RSU1: variants seen among roughly 807,000 people sequenced by gnomAD.
RSU1 encodes Ras suppressor protein 1, also known as rsu-1.
In RSU1, 26 loss-of-function variants were observed where a neutral mutation model predicts 31.1. The observed-to-expected ratio is 0.84, with a 90% confidence interval of 0.61 to 1.16. The LOEUF (loss-of-function observed/expected upper bound fraction) is 1.16. Among genes scored for constraint, RSU1 ranks in the 50% most tolerant of loss-of-function variants. RSU1 has a pLI of 0.00. For synonymous variants in RSU1, 164 were observed against 136.3 expected (o/e 1.20, Z -1.41); for missense variants, 320 against 339.1 (o/e 0.94, Z 0.44).
chr10:16,731,778 G>A (rs910796514), intron 7 of RSU1, among the ~76,000 whole-genome samples: 1 of 151,522 alleles, frequency 6.6e-6, no homozygotes, highest in South Asian at 2.1e-4. Context: ...CTTGGTCATT[G>A]ATCTTCTCTT....
intron 7 of RSU1, among the ~76,000 whole-genome samples, chr10:16,738,613 T>A (rs1050679200): frequency 3.3e-5 from 5 of 151,580 alleles, no homozygotes; most frequent in African/African-American, 9.7e-5. Context: ...TTTGGACCAA[T>A]CAATCAAAGG....
chr10:16,671,093 CTGAAA>C lies in RSU1; in HGVS notation c.731+23925_731+23929del, dbSNP rs1341780080. Among the ~76,000 whole-genome samples the C allele has an allele frequency of 1.1e-4, 16 of 152,130 alleles. No homozygotes were observed. The East Asian group carries it at 1.9e-3, about 18-fold the overall frequency. ...AACCCTGTTAAAGCTCCTGAAATGA[CTGAAA>C]TGAAAGAACCTTGTGGTAGAACAAT... On this transcript the variant is annotated intron_variant, in intron 8 of 8. Coordinates refer to ENST00000345264, the MANE Select transcript of RSU1 (RefSeq NM_012425.4).
chr10:16,695,099 C>A lies in RSU1; in HGVS notation c.655G>T (p.Val219Leu), dbSNP rs1835646037. 1 of 1,611,728 alleles carries A rather than the reference C, an allele frequency of 6.2e-7. No individual in the cohort carries two copies. Among genetic ancestry groups the A allele is most frequent in the Non-Finnish European group, 8.5e-7 (1 of 1,179,446 alleles). Residue 219 changes from valine to leucine, a missense_variant, in exon 8 of 9, where the codon GTG becomes TTG. Transcript: ENST00000345264. The stretch of plus-strand genomic sequence containing the variant: ...TGGAACTGGTCTGCAATGGGGGTCA[C>A]CCAGGGATTGTTCTCTGCTTTGAAT... ...QVFKAENNPW[V>L]TPIADQFQLG...
chr10:16,743,245 A>C (rs538491673), intron 7 of RSU1, among the ~76,000 whole-genome samples: 22 of 152,356 alleles, frequency 1.4e-4, no homozygotes, highest in Non-Finnish European at 3.2e-4. Context: ...TTATTGGCTC[A>C]GTTTTGACAC....
intron 7 of RSU1, among the ~76,000 whole-genome samples, chr10:16,724,454 C>T (rs946492429): frequency 1.3e-5 from 2 of 152,130 alleles, no homozygotes; most frequent in Non-Finnish European, 2.9e-5. Context: ...ACACATGGCT[C>T]CTTGGAACGC....
Position 16,739,465 on chromosome 10 carries a change from CCTT to C in RSU1, c.598+13071_598+13073del, listed in dbSNP as rs1336383423. On this transcript the variant is annotated intron_variant, in intron 7 of 8. Coordinates refer to ENST00000345264, the MANE Select transcript of RSU1 (RefSeq NM_012425.4). ...ATTTGCAAGAAATGTACATTTTCTTCCTTTTTTTTTTTTTTTTTTTTTTGAGAC... is the reference window on the plus strand; with the variant it reads ...ATTTGCAAGAAATGTACATTTTCTTCTTTTTTTTTTTTTTTTTTTTGAGAC... Among the ~76,000 whole-genome samples the C allele has an allele frequency of 6.3e-4, 71 of 112,422 alleles. No homozygotes were observed. In the South Asian group the frequency reaches 0.016, roughly 26 times the overall value. 73.8% of individuals were successfully genotyped at this position (112,422 alleles called of 152,430 possible).
intron 2 of RSU1, among the ~76,000 whole-genome samples, chr10:16,787,205 A>G (rs1242804086): frequency 6.6e-6 from 1 of 151,952 alleles, no homozygotes. Flanking sequence ...CTTTCTTCCT[A>G]CAGCTGAACC....
At chr10:16,647,291 A>G (rs1032638714) in intron 8 of RSU1, among the ~76,000 whole-genome samples, 2 of 152,146 alleles carry the variant, frequency 1.3e-5, no homozygotes, top group African/African-American at 4.8e-5. Context: ...ACTTTCACAC[A>G]TTGTGGATAG....
intron 2 of RSU1, among the ~76,000 whole-genome samples, chr10:16,807,448 G>A (rs1192745850): frequency 5.9e-5 from 9 of 152,154 alleles, no homozygotes; most frequent in African/African-American, 1.9e-4. Flanking sequence ...CCCATACTTT[G>A]TAGTGTTTTA....
chr10:16,694,258 C>T (rs1392363716), intron 8 of RSU1, among the ~76,000 whole-genome samples: 2 of 152,148 alleles, frequency 1.3e-5, no homozygotes, highest in Non-Finnish European at 2.9e-5. Flanking sequence ...TCCTCTCCTG[C>T]CTTCCCCTTT....
rs547803000 is a variant in RSU1 at position 16,769,707 on chromosome 10, C to A, written c.161-5197G>T. Among the ~76,000 whole-genome samples the A allele has an allele frequency of 4.4e-3, 672 of 152,328 alleles. 1 individual carries two copies. The highest frequency in any genetic ancestry group is 6.8e-3 in the Non-Finnish European group (460 of 68,022). ...GCTCAGAAAACTTTTAATTCATTGG[C>A]AGCATCACGATTATCAATCCAACAC... On this transcript the variant is annotated intron_variant, in intron 3 of 8. Coordinates refer to ENST00000345264, the MANE Select transcript of RSU1 (RefSeq NM_012425.4).
intron 3 of RSU1, among the ~76,000 whole-genome samples, chr10:16,773,816 T>A (rs911616545): frequency 5.9e-5 from 9 of 152,042 alleles, no homozygotes; most frequent in Non-Finnish European, 1.3e-4. Context: ...CAGAGAAAGA[T>A]GAGCATTCAT....
chr10:16,623,800 T>C (rs1834112122), intron 8 of RSU1, among the ~76,000 whole-genome samples: 1 of 152,220 alleles, frequency 6.6e-6, no homozygotes, highest in Non-Finnish European at 1.5e-5. Context: ...TTCATGTTTG[T>C]TGGCCCCTCA....
intron 8 of RSU1, among the ~76,000 whole-genome samples, chr10:16,690,552 T>A (rs957821223): frequency 6.6e-6 from 1 of 152,112 alleles, no homozygotes; most frequent in Non-Finnish European, 1.5e-5. Flanking sequence ...CCCATCTTCA[T>A]GAAGCTAAGT....
intron 8 of RSU1, among the ~76,000 whole-genome samples, chr10:16,628,661 G>A (rs956711433): frequency 1.3e-5 from 2 of 152,088 alleles, no homozygotes; most frequent in Admixed American, 6.5e-5. Flanking sequence ...TGACACATAC[G>A]ATTTTTTTAC....
intron 7 of RSU1, among the ~76,000 whole-genome samples, chr10:16,701,040 G>C (rs1835782342): frequency 6.6e-6 from 1 of 152,168 alleles, no homozygotes. Context: ...TCTCAAATAA[G>C]GGAAATATTA....
At chr10:16,735,473 G>T (rs940174877) in intron 7 of RSU1, among the ~76,000 whole-genome samples, 1 of 152,140 alleles carries the variant, frequency 6.6e-6, no homozygotes, top group African/African-American at 2.4e-5. Context: ...CCAGACTTTT[G>T]CTTCTGGCAT....
chr10:16,685,774 C>T (rs1489400654), intron 8 of RSU1, among the ~76,000 whole-genome samples: 1 of 152,204 alleles, frequency 6.6e-6, no homozygotes, highest in Admixed American at 6.5e-5. Context: ...TGCAGCCCAG[C>T]AGGTCTCAGC....
rs148514973 is a variant in RSU1, at chr10:16,692,814, C to T, written c.731+2209G>A. 9.9e-3 allele frequency among the ~76,000 whole-genome samples: 1,511 copies of T among 152,212 alleles called. 14 individuals are homozygous for T. Among genetic ancestry groups the T allele is most frequent in the Non-Finnish European group, 0.017 (1,131 of 68,002 alleles). ...ATTAATACACATCCTATACCTATCT[C>T]ATTTTATCCTTAAGGTAAGTCTTTA... On this transcript the variant is annotated intron_variant, in intron 8 of 8. Transcript: ENST00000345264.
Sources: allele counts gnomAD v4.1 joint callset (sites outside exome capture counted in the v4.1 genomes callset), GRCh38; gene constraint gnomAD v4.1.1; transcripts MANE v1.5; gene names NCBI Gene and HGNC (gene_info 2026-07-23, HGNC 2026-07-21).